The following FGGY variants were observed in gnomAD, a reference collection of about 807,000 sequenced individuals.
The protein encoded by FGGY is FGGY carbohydrate kinase domain containing.
A neutral mutation model predicts 71.3 loss-of-function variants in FGGY; 72 were observed. The observed-to-expected ratio is 1.01, with a 90% CI of 0.84 to 1.23. The LOEUF (loss-of-function observed/expected upper bound fraction) is 1.23. Ranked by LOEUF, FGGY falls within the 50% of genes most tolerant of loss-of-function variation. FGGY has a pLI of 0.00. For missense variants in FGGY, 668 were observed against 682.3 expected, an observed-to-expected ratio of 0.98 and a Z score of 0.23; for synonymous variants, 251 against 250.3, an observed-to-expected ratio of 1.00 and a Z score of -0.02.
chr1:59,632,894 AAC>A (rs2096920826), intron 10 of FGGY, among the ~76,000 whole-genome samples: 1 of 152,226 alleles, frequency 6.6e-6, no homozygotes, highest in Non-Finnish European at 1.5e-5. Flanking sequence ...TGATAATATT[AAC>A]ACCTTTCATT....
chr1:59,357,156 G>C (rs2054489280), intron 4 of FGGY, among the ~76,000 whole-genome samples: 1 of 152,166 alleles, frequency 6.6e-6, no homozygotes, highest in Non-Finnish European at 1.5e-5. Flanking sequence ...CTGATGGCTT[G>C]CCTTCATCTA....
chr1:59,616,910 A>G (rs887272033), intron 9 of FGGY, among the ~76,000 whole-genome samples: 5 of 152,262 alleles, frequency 3.3e-5, no homozygotes, highest in East Asian at 1.9e-4. Context: ...AAAGGTAGCA[A>G]TTACAGCCTG....
chr1:59,364,562 C>G (rs541205022), intron 4 of FGGY, among the ~76,000 whole-genome samples: 1 of 152,212 alleles, frequency 6.6e-6, no homozygotes, highest in Non-Finnish European at 1.5e-5. Context: ...ATCTATAGAT[C>G]AGACAAACTG....
chr1:59,599,803 G>A (rs566627234), intron 8 of FGGY, among the ~76,000 whole-genome samples: 1 of 152,054 alleles, frequency 6.6e-6, no homozygotes, highest in African/African-American at 2.4e-5. Context: ...GAAAGAAAAT[G>A]GCACAAGGGG....
intron 8 of FGGY, among the ~76,000 whole-genome samples, chr1:59,601,551 G>A (rs2096578376): frequency 6.6e-6 from 1 of 152,146 alleles, no homozygotes; most frequent in African/African-American, 2.4e-5. Flanking sequence ...TCATGCCTGT[G>A]TCTTCAGCTA....
At chr1:59,516,441 G>T (rs12076442) in intron 7 of FGGY, among the ~76,000 whole-genome samples, 1,986 of 152,268 alleles carry the variant, frequency 0.013, 44 homozygotes, top group African/African-American at 0.045. Context: ...AATAGTATAG[G>T]TTTGGGACAG....
rs373812718 is a variant in FGGY at position 59,584,513 on chromosome 1, C to T, written c.904-23290C>T. ...CTCAATAAATTAGGTATTGATGGGA[C>T]GTATCTCAAAATAATAAGACCTATC... On this transcript the variant is annotated intron_variant, in intron 8 of 15. Transcript: ENST00000303721. 3.7e-4 allele frequency among the ~76,000 whole-genome samples: 56 copies of T among 149,916 alleles called. 1 individual carries two copies. The highest frequency in any genetic ancestry group is 2.4e-3 in the Admixed American group (36 of 15,188).
At chr1:59,339,251 C>G (rs973237848) in intron 2 of FGGY, among the ~76,000 whole-genome samples, 3 of 151,986 alleles carry the variant, frequency 2.0e-5, no homozygotes, top group African/African-American at 7.2e-5. Flanking sequence ...ATCTGAAATG[C>G]TTTTGATCAC....
rs75691261 is a variant in FGGY, at chr1:59,627,879, T to C, written c.1073+1830T>C. Among the ~76,000 whole-genome samples the C allele has an allele frequency of 7.6e-3, 1,151 of 152,296 alleles. 18 individuals are homozygous for C. Among genetic ancestry groups the C allele is most frequent in the African/African-American group, 0.026 (1,098 of 41,558 alleles). On this transcript the variant is annotated intron_variant, in intron 10 of 15. Transcript: ENST00000303721. ...AAGTAAGTCCATAAGTAAATAACTT[T>C]GTAAGTAAACTACTGAAGAAGGAAA...
intron 6 of FGGY, among the ~76,000 whole-genome samples, chr1:59,458,460 A>G (rs2091914594): frequency 6.6e-6 from 1 of 152,218 alleles, no homozygotes; most frequent in Non-Finnish European, 1.5e-5. Context: ...TACTGATTTT[A>G]ACATTATCTT....
At chr1:59,444,855 A>G (rs2070857215) in intron 5 of FGGY, among the ~76,000 whole-genome samples, 1 of 152,136 alleles carries the variant, frequency 6.6e-6, no homozygotes, top group African/African-American at 2.4e-5. Flanking sequence ...CTGGTGCCCA[A>G]AAGGCTGGGG....
At chr1:59,305,818 A>G (rs951186331) in intron 1 of FGGY, among the ~76,000 whole-genome samples, 1 of 152,308 alleles carries the variant, frequency 6.6e-6, no homozygotes, top group East Asian at 1.9e-4. Flanking sequence ...TAGATGCATT[A>G]GTACGGATGA....
chr1:59,396,408 T>G (rs775534373), intron 5 of FGGY, among the ~76,000 whole-genome samples: 2 of 152,200 alleles, frequency 1.3e-5, no homozygotes, highest in African/African-American at 2.4e-5. Flanking sequence ...TGATTTTTTT[T>G]TCCTGTGATA....
chr1:59,680,039 C>G (rs1349695377), intron 14 of FGGY, among the ~76,000 whole-genome samples: 1 of 152,154 alleles, frequency 6.6e-6, no homozygotes, highest in Non-Finnish European at 1.5e-5. Flanking sequence ...TTTATACTCC[C>G]ATCAGTAGTG....
intron 6 of FGGY, among the ~76,000 whole-genome samples, chr1:59,461,828 CTAT>C (rs971098004): frequency 6.0e-5 from 9 of 151,146 alleles, no homozygotes; most frequent in Admixed American, 1.3e-4. Context: ...TTTTTTTCTT[CTAT>C]TATTATTATT....
At chr1:59,646,125 G>C (rs145924953) in intron 11 of FGGY, among the ~76,000 whole-genome samples, 2 of 152,308 alleles carry the variant, frequency 1.3e-5, no homozygotes, top group Non-Finnish European at 2.9e-5. Flanking sequence ...CAGGGTATCT[G>C]CAAGAGCTCA....
At chr1:59,672,511 C>T (rs981573510) in intron 13 of FGGY, among the ~76,000 whole-genome samples, 7 of 152,188 alleles carry the variant, frequency 4.6e-5, no homozygotes, top group African/African-American at 1.7e-4. Flanking sequence ...GCTAGTGGAA[C>T]CAGGAAATAA....
At chr1:59,529,843 A>T (rs1007280996) in intron 7 of FGGY, among the ~76,000 whole-genome samples, 3 of 152,226 alleles carry the variant, frequency 2.0e-5, no homozygotes, top group African/African-American at 4.8e-5. Context: ...TGAAAAGAAG[A>T]TAGGGAGTTT....
intron 5 of FGGY, among the ~76,000 whole-genome samples, chr1:59,384,567 AT>A (rs1173237382): frequency 6.6e-6 from 1 of 152,150 alleles, no homozygotes; most frequent in African/African-American, 2.4e-5. Context: ...TAGCGATTTC[AT>A]TTAGTTCCCT....
Sources: allele counts gnomAD v4.1 joint callset (sites outside exome capture counted in the v4.1 genomes callset), GRCh38; gene constraint gnomAD v4.1.1; transcripts MANE v1.5; gene names NCBI Gene and HGNC (gene_info 2026-07-23, HGNC 2026-07-21).